CDC14B: variants seen among roughly 807,000 people sequenced by gnomAD.
CDC14B encodes dual specificity protein phosphatase CDC14B.
Under a neutral mutation model 64.2 loss-of-function variants are expected in CDC14B, and 22 were observed. That is an observed-to-expected ratio of 0.34 (90% CI 0.24 to 0.49). The LOEUF is 0.49. CDC14B is among the 20% of genes least tolerant of loss of function. The pLI, the probability that CDC14B is intolerant of heterozygous loss-of-function variation, is 0.99. For missense variants in CDC14B, 498 were observed against 629.9 expected (o/e 0.79, Z 2.24); for synonymous variants, 191 against 215.8 (o/e 0.89, Z 1.01).
chr9:96,580,526 C>G (rs574203629), intron 1 of CDC14B, among the ~76,000 whole-genome samples: 1 of 152,040 alleles, frequency 6.6e-6, no homozygotes, highest in South Asian at 2.1e-4. Context: ...CCACTGCGCC[C>G]GGCTAGATTG....
intron 9 of CDC14B, among the ~76,000 whole-genome samples, chr9:96,533,266 G>C (rs1838774429): frequency 6.6e-6 from 1 of 152,206 alleles, no homozygotes; most frequent in African/African-American, 2.4e-5. Context: ...ACCATGCCCG[G>C]CCTGGATTTA....
intron 1 of CDC14B, among the ~76,000 whole-genome samples, chr9:96,600,682 T>C (rs896056232): frequency 6.6e-6 from 1 of 152,110 alleles, no homozygotes; most frequent in Admixed American, 6.5e-5. Context: ...TTTGTATTTT[T>C]AGTAGAGACA....
At chr9:96,567,074 T>C (rs945171662) in intron 1 of CDC14B, 1 of 974,040 alleles carries the variant, frequency 1.0e-6, no homozygotes, top group Non-Finnish European at 1.4e-6. Context: ...CCCGCTTTCT[T>C]TCCCCCCGCC....
chr9:96,609,362 A>G (rs758350938), intron 1 of CDC14B, among the ~76,000 whole-genome samples: 2 of 152,358 alleles, frequency 1.3e-5, no homozygotes, highest in Middle Eastern at 3.4e-3. Flanking sequence ...GCAAAACTAC[A>G]TAATGACTAA....
At chr9:96,601,920 A>G (rs143245467) in intron 1 of CDC14B, among the ~76,000 whole-genome samples, 7,123 of 149,994 alleles carry the variant, frequency 0.047, 578 homozygotes, top group African/African-American at 0.17. Flanking sequence ...TTAGCTGGGC[A>G]TGGTGGTGGG....
At chr9:96,570,706 C>A (rs566501380) in intron 1 of CDC14B, among the ~76,000 whole-genome samples, 8 of 152,294 alleles carry the variant, frequency 5.3e-5, no homozygotes, top group African/African-American at 1.9e-4. Flanking sequence ...ACTCAAATGA[C>A]AATGATAACC....
At chr9:96,546,393 G>A (rs1374746353) in intron 5 of CDC14B, among the ~76,000 whole-genome samples, 2 of 151,692 alleles carry the variant, frequency 1.3e-5, no homozygotes, top group South Asian at 2.1e-4. Flanking sequence ...TGGGGGTGAT[G>A]ACTGACTGGA....
rs1413557726 is a variant in CDC14B at position 96,517,625 on chromosome 9, C to G, written c.1343+4881G>C. Among the ~76,000 whole-genome samples, 28 of 100,862 alleles carry G rather than the reference C, an allele frequency of 2.8e-4. 2 individuals are homozygous for G. The Admixed American group carries it at 4.1e-3, about 15-fold the overall frequency. 66.2% of individuals were successfully genotyped at this position (100,862 alleles called of 152,430 possible). On this transcript the variant is annotated intron_variant, in intron 12 of 13. Coordinates refer to ENST00000375241, the MANE Select transcript of CDC14B (RefSeq NM_033331.4). Reference sequence around the variant, plus strand: ...CGCCACTGCACTCCAGCCTGGGCGACAGAGCAAGACTCCGTCTCAAAAAAA... The same window carrying G: ...CGCCACTGCACTCCAGCCTGGGCGAGAGAGCAAGACTCCGTCTCAAAAAAA...
chr9:96,534,461 C>A lies in CDC14B; in HGVS notation c.709G>T (p.Glu237Ter), dbSNP rs1388203575. ...ATGCCATAATTTCACATACCACTTT[C>A]AAGTCTGGCTCTTGAATGAGGTCCA... ...FCGPHSRARLESGYHQHSPET... is the reference protein window; with the variant it reads ...FCGPHSRARL Residue 237 changes from glutamate to a stop codon, truncating the protein, a stop_gained, in exon 8 of 14, where the codon GAA becomes TAA. Transcript: ENST00000375241. LOFTEE classifies it high-confidence loss of function. The A allele has an allele frequency of 1.9e-6, 3 of 1,599,448 alleles. No individual in the cohort carries two copies. Among genetic ancestry groups the A allele is most frequent in the Non-Finnish European group, 2.6e-6 (3 of 1,166,888 alleles).
At chr9:96,538,702 A>C in intron 7 of CDC14B, 1 of 192,058 alleles carries the variant, frequency 5.2e-6, no homozygotes, top group East Asian at 1.7e-4. Context: ...CAGCCTAGGT[A>C]ACAGAGCGAG....
chr9:96,613,875 C>A (rs984320923), intron 1 of CDC14B, among the ~76,000 whole-genome samples: 2 of 152,148 alleles, frequency 1.3e-5, no homozygotes, highest in African/African-American at 4.8e-5. Context: ...GACTATTTTA[C>A]ATAGTAAGCA....
In CDC14B at chr9:96,564,769, G is replaced by C; in HGVS notation, c.327+8C>G. On this transcript the variant is annotated splice_region_variant and intron_variant, in intron 3 of 13. Transcript: ENST00000375241. ...ATGATTACTTAAGTCAAATCTTAAA[G>C]ACTTTACCTTTAATTTCTTATTGAT... The C allele has an allele frequency of 1.3e-6, 2 of 1,554,210 alleles. No individual in the cohort carries two copies. The highest frequency in any genetic ancestry group is 1.8e-6 in the Non-Finnish European group (2 of 1,137,212).
chr9:96,575,386 T>C (rs921642260), intron 1 of CDC14B, among the ~76,000 whole-genome samples: 1 of 152,208 alleles, frequency 6.6e-6, no homozygotes, highest in South Asian at 2.1e-4. Context: ...AAAAGTAATC[T>C]TATCTACAGA....
chr9:96,608,074 C>T (rs577983369), intron 1 of CDC14B, among the ~76,000 whole-genome samples: 3 of 152,330 alleles, frequency 2.0e-5, no homozygotes, highest in East Asian at 3.9e-4. Flanking sequence ...AAACAGCTGG[C>T]GGCACCAGGT....
intron 8 of CDC14B, 53 bp downstream of exon 8, chr9:96,534,402 T>A: frequency 7.8e-7 from 1 of 1,285,848 alleles, no homozygotes; most frequent in Non-Finnish European, 1.1e-6. Flanking sequence ...AAAGAAAATA[T>A]AGGATAGATA....
chr9:96,574,932 A>C (rs1236351435), intron 1 of CDC14B, among the ~76,000 whole-genome samples: 1 of 152,202 alleles, frequency 6.6e-6, no homozygotes, highest in African/African-American at 2.4e-5. Context: ...AAGAAGCCTA[A>C]CTATCCTTCC....
intron 9 of CDC14B, among the ~76,000 whole-genome samples, chr9:96,528,498 G>A (rs1046970851): frequency 4.0e-5 from 6 of 151,630 alleles, no homozygotes; most frequent in South Asian, 2.1e-4. Context: ...CTCTAGTCTG[G>A]GAAACAGAGT....
In CDC14B at chr9:96,515,226, T is replaced by A. The variant is rs1287501566; in HGVS notation, c.1344-5437A>T. 1.3e-5 allele frequency among the ~76,000 whole-genome samples: 2 copies of A among 152,198 alleles called. No homozygotes were observed. The highest frequency in any genetic ancestry group is 4.8e-5 in the African/African-American group (2 of 41,452). ...TAGATCAGTGGGAAAAATGCTTCTTTGCTAGACTGGGAAGGACATACTCAA... is the reference window on the plus strand; with the variant it reads ...TAGATCAGTGGGAAAAATGCTTCTTAGCTAGACTGGGAAGGACATACTCAA... On this transcript the variant is annotated intron_variant, in intron 12 of 13. Coordinates refer to ENST00000375241, the MANE Select transcript of CDC14B (RefSeq NM_033331.4). This position sits in a 1 kb window ranked among gnomAD's most constrained non-coding sequence, Gnocchi z 4.3.
intron 1 of CDC14B, among the ~76,000 whole-genome samples, chr9:96,605,745 C>T (rs1283798520): frequency 1.3e-5 from 2 of 152,088 alleles, no homozygotes; most frequent in Non-Finnish European, 2.9e-5. Context: ...CCTGTAATCT[C>T]AGCACTTAGG....
Sources: allele counts gnomAD v4.1 joint callset (sites outside exome capture counted in the v4.1 genomes callset), GRCh38; gene constraint gnomAD v4.1.1; non-coding constraint Gnocchi (gnomAD v3.1); transcripts MANE v1.5; gene names NCBI Gene and HGNC (gene_info 2026-07-23, HGNC 2026-07-21).